The following DNAI7 variants were observed in gnomAD, a reference collection of about 807,000 sequenced individuals.
DNAI7 encodes cancer susceptibility 1.
Under a neutral mutation model 86.6 loss-of-function variants are expected in DNAI7, and 78 were observed. The observed-to-expected ratio is 0.90, with a 90% CI of 0.75 to 1.09. The LOEUF is 1.09. Ranked by LOEUF, DNAI7 falls within the 50% of genes least tolerant of loss-of-function variation. The pLI is 0.00. For missense variants in DNAI7, 753 were observed against 810.2 expected (o/e 0.93, Z 0.86); for synonymous variants, 274 against 273.0 (o/e 1.00, Z -0.04).
intron 9 of DNAI7, among the ~76,000 whole-genome samples, chr12:25,124,359 CA>C (rs369197184): frequency 1.3e-4 from 19 of 148,716 alleles, no homozygotes; most frequent in Middle Eastern, 3.5e-3. Context: ...TTTATTCATT[CA>C]AAAAAAAAAT....
At chr12:25,112,142 ACT>A (rs1012782696) in intron 13 of DNAI7, among the ~76,000 whole-genome samples, 4 of 152,056 alleles carry the variant, frequency 2.6e-5, no homozygotes, top group Non-Finnish European at 4.4e-5. Context: ...CAGTTTACTA[ACT>A]CTTTTTGGGC....
At chr12:25,171,016 C>CA (rs1208231380) in intron 2 of DNAI7, among the ~76,000 whole-genome samples, 1 of 151,980 alleles carries the variant, frequency 6.6e-6, no homozygotes, top group African/African-American at 2.4e-5. Context: ...ATGCCTACAT[C>CA]AAAAAATCTG....
Position 25,145,670 on chromosome 12 carries a change from T to C in DNAI7, c.690-993A>G, listed in dbSNP as rs148619930. ...CTTTTACTAACTATCAAAAATAAAGTCTAGTTTTTTTTAAATGTCACATAG... is the reference window on the plus strand; with the variant it reads ...CTTTTACTAACTATCAAAAATAAAGCCTAGTTTTTTTTAAATGTCACATAG... On this transcript the variant is annotated intron_variant, in intron 8 of 15. Transcript: ENST00000395987. Among the ~76,000 whole-genome samples the C allele has an allele frequency of 1.6e-4, 25 of 152,162 alleles. No individual in the cohort carries two copies. The East Asian group carries it at 4.8e-3, about 29-fold the overall frequency.
chr12:25,192,953 G>A (rs2141420114), intron 1 of DNAI7: 1 of 151,842 alleles, frequency 6.6e-6, no homozygotes, highest in East Asian at 1.9e-4. Context: ...TTTGAGGGCA[G>A]CCTGGGCAAC....
intron 9 of DNAI7, among the ~76,000 whole-genome samples, chr12:25,123,939 A>G (rs141865562): frequency 1.1e-4 from 17 of 152,176 alleles, no homozygotes; most frequent in Non-Finnish European, 2.4e-4. Context: ...GCTGAGGGAG[A>G]TAACTGTTTT....
rs1212932640 is a variant in DNAI7, at chr12:25,119,220, T to C, written c.1321A>G (p.Ile441Val). Reference protein sequence around the residue: ...EFETENAFPPIEVTLEVHENV... With the variant: ...EFETENAFPPVEVTLEVHENV... ...TCATGAACCTCAAGTGTGACCTCTA[T>C]AGGTGGGAAAGCATTTTCTGTCTCA... Residue 441 changes from isoleucine (I) to valine (V), a missense_variant, in exon 12 of 16, where the codon ATA becomes GTA. Coordinates refer to ENST00000395987, the MANE Select transcript of DNAI7 (RefSeq NM_018272.5). 15 of 1,612,268 alleles carry C rather than the reference T, an allele frequency of 9.3e-6. No homozygotes were observed. Among genetic ancestry groups the C allele is most frequent in the Admixed American group, 3.3e-5 (2 of 59,932 alleles).
At chr12:25,121,708 G>A (rs759883833) in intron 11 of DNAI7, 45 bp downstream of exon 11, 20 of 1,435,446 alleles carry the variant, frequency 1.4e-5, no homozygotes, top group Non-Finnish European at 1.8e-5. Context: ...GTAAAAGCGT[G>A]AGCAATTATT....
rs143518266 is a variant in DNAI7, at chr12:25,161,160, C to G, written c.59G>C (p.Arg20Pro). ...SKKKKVTKAE[R>P]LKLLQEEEER... ...CTCCTCCTCTTGTAGCAGCTTCAATCGTTCAGCTTTGGTGACTTTCTTTTT... is the reference window on the plus strand; with the variant it reads ...CTCCTCCTCTTGTAGCAGCTTCAATGGTTCAGCTTTGGTGACTTTCTTTTT... The change falls in exon 3 of 16, where the codon CGA becomes CCA. Residue 20 changes from arginine to proline, a missense_variant. By Grantham distance (103) the Arg-to-Pro change is moderately radical. Transcript: ENST00000395987. The G allele has an allele frequency of 4.8e-4, 771 of 1,613,932 alleles. 14 individuals carry two copies. In the East Asian group the frequency reaches 0.017, roughly 35 times the overall value.
chr12:25,152,455 G>T (rs1945666084), intron 6 of DNAI7, among the ~76,000 whole-genome samples: 2 of 152,244 alleles, frequency 1.3e-5, no homozygotes, highest in Non-Finnish European at 1.5e-5. Context: ...ACACATTGAG[G>T]TGCTGGAAGG....
chr12:25,112,399 G>GT (rs10602859), intron 13 of DNAI7, among the ~76,000 whole-genome samples: 17,587 of 102,600 alleles, frequency 0.17, 2,167 homozygotes, highest in Non-Finnish European at 0.2. Flanking sequence ...TTCACATCTG[G>GT]TTTTTTTTTT....
At chr12:25,133,534 C>T (rs1943183548) in intron 9 of DNAI7, among the ~76,000 whole-genome samples, 1 of 152,154 alleles carries the variant, frequency 6.6e-6, no homozygotes, top group East Asian at 1.9e-4. Context: ...CACCCACCAC[C>T]CTTCCCCCTT....
chr12:25,187,987 G>A (rs746535754), intron 2 of DNAI7, among the ~76,000 whole-genome samples: 8 of 152,134 alleles, frequency 5.3e-5, no homozygotes, highest in African/African-American at 1.4e-4. Flanking sequence ...ACCACAAGCC[G>A]GTTCATGTGG....
intron 11 of DNAI7, among the ~76,000 whole-genome samples, chr12:25,119,587 G>T (rs891177777): frequency 4.6e-5 from 7 of 152,100 alleles, no homozygotes; most frequent in African/African-American, 1.7e-4. Flanking sequence ...TAACAGAAAT[G>T]ATAACTAAGA....
Position 25,141,490 on chromosome 12 carries a change from A to G in DNAI7, c.1002+2875T>C, listed in dbSNP as rs79721476. On this transcript the variant is annotated intron_variant, in intron 9 of 15. Transcript: ENST00000395987. The stretch of plus-strand genomic sequence containing the variant: ...TGCTCAACATTACTAATTATTAAGG[A>G]CATCCAAATCAAAACCACAATGTGA... Among the ~76,000 whole-genome samples, 80 of 152,334 alleles carry G rather than the reference A, an allele frequency of 5.3e-4. No individual in the cohort carries two copies. The East Asian group carries it at 0.011, about 21-fold the overall frequency.
chr12:25,124,338 C>T lies in DNAI7; in HGVS notation c.1003-1052G>A, dbSNP rs1206825123. ...AACCCTTTCCATCATGCCTCTGAAC[C>T]TTCTCCCTTATTTATTCATTCAAAA... On this transcript the variant is annotated intron_variant, in intron 9 of 15. Transcript: ENST00000395987. Among the ~76,000 whole-genome samples the T allele has an allele frequency of 5.3e-5, 8 of 151,630 alleles. 1 individual carries two copies. Among genetic ancestry groups the T allele is most frequent in the Admixed American group, 5.3e-4 (8 of 15,222 alleles).
chr12:25,190,364 G>A (rs889823340), intron 2 of DNAI7, among the ~76,000 whole-genome samples: 3 of 151,994 alleles, frequency 2.0e-5, no homozygotes, highest in Non-Finnish European at 4.4e-5. Flanking sequence ...CCCAAATCTA[G>A]ACATAAGTAA....
At chr12:25,113,553 G>A (rs577871380) in intron 13 of DNAI7, among the ~76,000 whole-genome samples, 29 of 152,238 alleles carry the variant, frequency 1.9e-4, no homozygotes, top group African/African-American at 7.0e-4. Flanking sequence ...ACCCACTTCA[G>A]CCTCCCAAAG....
rs552880637 is a variant in DNAI7, at chr12:25,131,551, G to T, written c.1003-8265C>A. ...ACATACTATGCCGGATCACTAAAGGGGTGGAGGATCAGAACTGCAGAGGAG... is the reference window on the plus strand; with the variant it reads ...ACATACTATGCCGGATCACTAAAGGTGTGGAGGATCAGAACTGCAGAGGAG... On this transcript the variant is annotated intron_variant, in intron 9 of 15. Coordinates refer to ENST00000395987, the MANE Select transcript of DNAI7 (RefSeq NM_018272.5). Among the ~76,000 whole-genome samples the T allele has an allele frequency of 5.3e-5, 8 of 152,268 alleles. No individual in the cohort carries two copies. In the East Asian group the frequency reaches 1.4e-3, roughly 26 times the overall value.
At chr12:25,121,412 A>G (rs1219290824) in intron 11 of DNAI7, among the ~76,000 whole-genome samples, 1 of 152,248 alleles carries the variant, frequency 6.6e-6, no homozygotes. Context: ...AGGGACCGCG[A>G]AGGTGAAAAT....
Sources: gnomAD v4.1 joint callset for allele counts (sites outside exome capture counted in the v4.1 genomes callset) on GRCh38, gnomAD v4.1.1 for gene constraint, MANE v1.5 for transcripts, NCBI Gene and HGNC (gene_info 2026-07-23, HGNC 2026-07-21) for gene names.